Variants in APOBEC1 observed in about 807,000 individuals in gnomAD.
APOBEC1 encodes C->U-editing enzyme APOBEC-1.
A neutral mutation model predicts 26.3 loss-of-function variants in APOBEC1; 22 were observed. The ratio of observed to expected loss-of-function variants is 0.84; its 90% confidence interval spans 0.60 to 1.19. The LOEUF (loss-of-function observed/expected upper bound fraction) is 1.19, where lower values mean the gene tolerates loss of function less well. APOBEC1 is among the 50% of genes most tolerant of loss of function. The probability of loss-of-function intolerance (pLI) is 0.00; values close to 1 mark genes in which losing one functional copy is unlikely to be tolerated. For missense variants in APOBEC1, 253 were observed against 289.0 expected, an observed-to-expected ratio of 0.88 and a Z score of 0.90; for synonymous variants, 77 against 95.3, an observed-to-expected ratio of 0.81 and a Z score of 1.12.
At chr12:7,657,931 C>T (rs1863738594) in intron 1 of APOBEC1, among the ~76,000 whole-genome samples, 1 of 151,682 alleles carries the variant, frequency 6.6e-6, no homozygotes, top group Non-Finnish European at 1.5e-5. Flanking sequence ...AAAAAAATAC[C>T]CAAAACTATT....
At chr12:7,662,638 C>T (rs1055471274) in intron 1 of APOBEC1, among the ~76,000 whole-genome samples, 2 of 152,058 alleles carry the variant, frequency 1.3e-5, no homozygotes, top group African/African-American at 4.8e-5. Context: ...GTGGTGGGGG[C>T]ACCATATCGA....
chr12:7,655,667 G>A (rs1159381882), intron 1 of APOBEC1, among the ~76,000 whole-genome samples: 1 of 152,208 alleles, frequency 6.6e-6, no homozygotes, highest in African/African-American at 2.4e-5. Context: ...AAATAGAAAA[G>A]GAGGTGGCAT....
chr12:7,665,752 GACACACACACACACACAC>G lies in APOBEC1; in HGVS notation c.16+87_16+104del, dbSNP rs60124402. ...CACCCACAGATGCAAGAATCAGCAG[GACACACACACACACACAC>G]ACACACACACACACACACACACACA... On this transcript the variant is annotated intron_variant, in intron 1 of 4. Coordinates refer to ENST00000229304, the MANE Select transcript of APOBEC1 (RefSeq NM_001644.5). 3,964 of 774,564 alleles carry G rather than the reference GACACACACACACACACAC, an allele frequency of 5.1e-3. 4 individuals are homozygous for G. The highest frequency in any genetic ancestry group is 0.015 in the South Asian group (849 of 55,834). 48.0% of individuals were successfully genotyped at this position (774,564 alleles called of 1,614,324 possible).
intron 1 of APOBEC1, among the ~76,000 whole-genome samples, chr12:7,659,322 A>AATATATATATAT (rs1328982852): frequency 8.4e-4 from 39 of 46,274 alleles, no homozygotes; most frequent in African/African-American, 3.9e-3. Flanking sequence ...AAAAAAAAAA[A>AATATATATATAT]ATATATATAT....
intron 1 of APOBEC1, among the ~76,000 whole-genome samples, chr12:7,660,406 A>G (rs746560567): frequency 1.7e-5 from 2 of 115,262 alleles, no homozygotes; most frequent in African/African-American, 7.1e-5. Flanking sequence ...GAAAGAAAGA[A>G]AGAAAGAGAG....
upstream of APOBEC1, among the ~76,000 whole-genome samples, chr12:7,670,076 C>G (rs6488571): frequency 0.081 from 9,873 of 122,090 alleles, 575 homozygotes; most frequent in African/African-American, 0.096. Context: ...CTCCTCCTCC[C>G]GGGTTCAGGT....
chr12:7,658,128 A>G (rs886915727), intron 1 of APOBEC1, among the ~76,000 whole-genome samples: 18 of 152,096 alleles, frequency 1.2e-4, no homozygotes, highest in African/African-American at 4.1e-4. Flanking sequence ...CAGTGGTGCA[A>G]TCTTGGCTCA....
intron 4 of APOBEC1, 101 bp from the exon 5 acceptor site, chr12:7,649,797 A>G: frequency 1.0e-6 from 1 of 999,836 alleles, no homozygotes; most frequent in Non-Finnish European, 1.4e-6. Context: ...AGACGATTTA[A>G]CTATTTCTTC....
At position 7,659,341 on chromosome 12, in the gene APOBEC1, ATATATATATG is replaced by A. The variant is rs1214232551; in HGVS notation, c.17-4719_17-4710del. ...AAAAAAAATATATATATATATATATATATATATATGTTTATATTTGAAATTTAAAAATCAC... is the reference window on the plus strand; with the variant it reads ...AAAAAAAATATATATATATATATATATTTATATTTGAAATTTAAAAATCAC... On this transcript the variant is annotated intron_variant, in intron 1 of 4. Transcript: ENST00000229304. Among the ~76,000 whole-genome samples the A allele has an allele frequency of 4.1e-3, 451 of 110,700 alleles. 3 individuals carry two copies. Among genetic ancestry groups the A allele is most frequent in the African/African-American group, 0.015 (436 of 29,484 alleles). The allele number at this position is 110,700 out of a possible 152,430, so 72.6% of individuals were successfully genotyped here.
chr12:7,659,626 G>A (rs989310683), intron 1 of APOBEC1, among the ~76,000 whole-genome samples: 1 of 151,998 alleles, frequency 6.6e-6, no homozygotes, highest in African/African-American at 2.4e-5. Context: ...AACTGGTACA[G>A]CCATACTGGA....
intron 1 of APOBEC1, among the ~76,000 whole-genome samples, chr12:7,664,426 A>C (rs1337095671): frequency 6.6e-6 from 1 of 152,228 alleles, no homozygotes; most frequent in Non-Finnish European, 1.5e-5. Context: ...TGAGCCTGGC[A>C]TTCGAAGTCC....
chr12:7,655,114 CAGG>C (rs538061117), intron 1 of APOBEC1, among the ~76,000 whole-genome samples: 230 of 152,264 alleles, frequency 1.5e-3, no homozygotes, highest in Non-Finnish European at 2.8e-3. Flanking sequence ...GTGGCTGAGG[CAGG>C]AGAATCACTT....
chr12:7,661,799 A>T (rs1863823564), intron 1 of APOBEC1, among the ~76,000 whole-genome samples: 1 of 152,138 alleles, frequency 6.6e-6, no homozygotes, highest in Non-Finnish European at 1.5e-5. Context: ...AAAAAGCAAC[A>T]ATTGCTGCTC....
upstream of APOBEC1, among the ~76,000 whole-genome samples, chr12:7,670,571 A>G (rs1167879473): frequency 1.4e-5 from 2 of 139,306 alleles, 1 homozygote; most frequent in Non-Finnish European, 3.1e-5. Context: ...TCTGACCAAC[A>G]TGGAGAAACC....
intron 1 of APOBEC1, among the ~76,000 whole-genome samples, chr12:7,662,960 T>C (rs1403122228): frequency 6.6e-6 from 1 of 151,918 alleles, no homozygotes; most frequent in African/African-American, 2.4e-5. Context: ...TTAGAGAGTA[T>C]GGGGATGATT....
At chr12:7,651,907 G>C (rs1293962723) in intron 3 of APOBEC1, among the ~76,000 whole-genome samples, 1 of 151,776 alleles carries the variant, frequency 6.6e-6, no homozygotes, top group African/African-American at 2.4e-5. Flanking sequence ...TGCAAGCTCC[G>C]CCTCCCGGGT....
At chr12:7,658,045 CTGTTTTGTTTTGTTTTGTTT>C (rs75339711) in intron 1 of APOBEC1, among the ~76,000 whole-genome samples, 2 of 149,596 alleles carry the variant, frequency 1.3e-5, no homozygotes, top group African/African-American at 4.9e-5. Flanking sequence ...TTGATTTGTT[CTGTTTTGTTTTGTTTTGTTT>C]TGTTTTGTTT....
chr12:7,649,828 G>A lies in APOBEC1; in HGVS notation c.562-132C>T, dbSNP rs766509950. 2.0e-4 allele frequency: 161 copies of A among 810,886 alleles called. 1 individual carries two copies. In the South Asian group the frequency reaches 3.0e-3, roughly 15 times the overall value. The allele number at this position is 810,886 out of a possible 1,614,324, so 50.2% of individuals were successfully genotyped here. On this transcript the variant is annotated intron_variant, in intron 4 of 4. Transcript: ENST00000229304. ...TCTTCTTTTTTTTTTTTCCCAGACA[G>A]GGTCTGGTTCTGGACTCACTGCATT...
intron 1 of APOBEC1, 32 bp downstream of exon 1, chr12:7,665,825 G>T (rs976977145): frequency 2.5e-6 from 4 of 1,569,300 alleles, no homozygotes; most frequent in Non-Finnish European, 3.5e-6. Flanking sequence ...CATTGTTCAA[G>T]AATACTTGCC....
Sources: gnomAD v4.1 joint callset for allele counts (sites outside exome capture counted in the v4.1 genomes callset) on GRCh38, gnomAD v4.1.1 for gene constraint, MANE v1.5 for transcripts, NCBI Gene and HGNC (gene_info 2026-07-23, HGNC 2026-07-21) for gene names.